Variants in HSPBAP1 observed in about 807,000 individuals in gnomAD.
HSPBAP1 encodes HSPB1-associated protein 1.
In HSPBAP1, 27 loss-of-function variants were observed where a neutral mutation model predicts 45.2. The ratio of observed to expected loss-of-function variants is 0.60; its 90% confidence interval spans 0.44 to 0.82. The LOEUF (loss-of-function observed/expected upper bound fraction) is 0.82, where lower values mean the gene tolerates loss of function less well. HSPBAP1 is among the 40% of genes least tolerant of loss of function. The pLI, the probability that HSPBAP1 is intolerant of heterozygous loss-of-function variation, is 0.00. For missense variants in HSPBAP1, 510 were observed against 590.9 expected, an observed-to-expected ratio of 0.86 and a Z score of 1.42; for synonymous variants, 204 against 202.7, an observed-to-expected ratio of 1.01 and a Z score of -0.06.
At position 122,753,477 on chromosome 3, in the gene HSPBAP1, GAGA is replaced by G. The variant is rs1416136424; in HGVS notation, c.742-806_742-804del. ...TAAAATAGTGGTATCGAGAGAGTCT[GAGA>G]AGGACAGGAGATACTTGCAAAGGTC... On this transcript the variant is annotated intron_variant, in intron 5 of 7. Coordinates refer to ENST00000306103, the MANE Select transcript of HSPBAP1 (RefSeq NM_024610.6). 69 of 981,174 alleles carry G rather than the reference GAGA, an allele frequency of 7.0e-5. No individual in the cohort carries two copies. In the Admixed American group the frequency reaches 4.2e-3, roughly 59 times the overall value. 60.8% of individuals were successfully genotyped at this position (981,174 alleles called of 1,614,324 possible).
intron 4 of HSPBAP1, 43 bp downstream of exon 4, chr3:122,759,181 C>T (rs769448166): frequency 5.3e-5 from 66 of 1,236,344 alleles, no homozygotes; most frequent in Middle Eastern, 4.2e-4. Context: ...TGCACATGTG[C>T]GTTCCACACA....
At chr3:122,773,139 CTGTG>C (rs1935060624) in intron 2 of HSPBAP1, among the ~76,000 whole-genome samples, 2 of 151,982 alleles carry the variant, frequency 1.3e-5, no homozygotes, top group Non-Finnish European at 2.9e-5. Context: ...GTGTGAGTCA[CTGTG>C]CCATGCCACA....
At chr3:122,748,411 C>CA (rs1196496720) in intron 6 of HSPBAP1, among the ~76,000 whole-genome samples, 2 of 151,572 alleles carry the variant, frequency 1.3e-5, no homozygotes, top group Non-Finnish European at 2.9e-5. Flanking sequence ...AATTAGATCT[C>CA]AAACTTATAC....
intron 4 of HSPBAP1, among the ~76,000 whole-genome samples, 184 bp downstream of exon 4, chr3:122,759,040 C>G (rs1054479349): frequency 6.6e-6 from 1 of 152,088 alleles, no homozygotes; most frequent in South Asian, 2.1e-4. Flanking sequence ...TAACTGTCCT[C>G]ATTTCACAGA....
chr3:122,774,383 GCTAGACACAGGGAA>G (rs1935115457), intron 2 of HSPBAP1, among the ~76,000 whole-genome samples: 1 of 152,130 alleles, frequency 6.6e-6, no homozygotes, highest in South Asian at 2.1e-4. Context: ...GAAAAGAGAG[GCTAGACACAGGGAA>G]CTACATACAC....
chr3:122,785,032 C>T (rs1935607804), intron 1 of HSPBAP1, among the ~76,000 whole-genome samples: 1 of 152,110 alleles, frequency 6.6e-6, no homozygotes, highest in South Asian at 2.1e-4. Flanking sequence ...TATCAGGTCC[C>T]CTCAGTCCAA....
chr3:122,747,477 G>A (rs1316523935), intron 6 of HSPBAP1, among the ~76,000 whole-genome samples: 1 of 151,674 alleles, frequency 6.6e-6, no homozygotes, highest in South Asian at 2.1e-4. Context: ...CCCTGTCTGG[G>A]AGGGAGGTCG....
chr3:122,785,840 T>TATAGATAGATAGATAGATAG (rs60587307), intron 1 of HSPBAP1, among the ~76,000 whole-genome samples: 296 of 151,650 alleles, frequency 2.0e-3, no homozygotes, highest in African/African-American at 5.6e-3. Flanking sequence ...AGTAGCCAAA[T>TATAGATAGATAGATAGATAG]ATAGATAGAT....
At chr3:122,781,399 A>G (rs1008134030) in intron 1 of HSPBAP1, among the ~76,000 whole-genome samples, 9 of 152,136 alleles carry the variant, frequency 5.9e-5, no homozygotes, top group Non-Finnish European at 1.3e-4. Flanking sequence ...CCAAAAAAAT[A>G]CGAAAACCAG....
At chr3:122,775,485 T>G (rs1935161417) in intron 2 of HSPBAP1, among the ~76,000 whole-genome samples, 1 of 152,218 alleles carries the variant, frequency 6.6e-6, no homozygotes, top group Non-Finnish European at 1.5e-5. Flanking sequence ...TTTCTTTTTT[T>G]TTGTACTTTT....
At chr3:122,785,342 C>T (rs1228414269) in intron 1 of HSPBAP1, among the ~76,000 whole-genome samples, 1 of 152,146 alleles carries the variant, frequency 6.6e-6, no homozygotes, top group Non-Finnish European at 1.5e-5. Context: ...TATGCACTTC[C>T]TTGTAAAACC....
intron 1 of HSPBAP1, among the ~76,000 whole-genome samples, chr3:122,779,965 C>G (rs962150082): frequency 6.6e-6 from 1 of 151,880 alleles, no homozygotes. Flanking sequence ...CCTTTCCCCC[C>G]TTTCCATTCC....
intron 6 of HSPBAP1, among the ~76,000 whole-genome samples, chr3:122,742,142 A>C (rs1439906121): frequency 6.9e-6 from 1 of 144,542 alleles, no homozygotes; most frequent in Non-Finnish European, 1.5e-5. Context: ...ATAATATATA[A>C]ATTATTATAA....
chr3:122,752,285 T>G (rs779658638), intron 6 of HSPBAP1, among the ~76,000 whole-genome samples: 1 of 151,940 alleles, frequency 6.6e-6, no homozygotes, highest in Non-Finnish European at 1.5e-5. Flanking sequence ...TATCGGCAAA[T>G]CTGGCCAGGC....
chr3:122,764,112 C>G (rs1934691789), intron 3 of HSPBAP1, among the ~76,000 whole-genome samples: 2 of 152,220 alleles, frequency 1.3e-5, no homozygotes, highest in Non-Finnish European at 2.9e-5. Flanking sequence ...AAATGGTAAG[C>G]AACACAGAAC....
At position 122,740,368 on chromosome 3, in the gene HSPBAP1, A is replaced by G; in HGVS notation, c.1444T>C (p.Leu482=). Residue 482 remains leucine (L), a synonymous_variant, in exon 8 of 8, where the codon TTG becomes CTG. Coordinates refer to ENST00000306103, the MANE Select transcript of HSPBAP1 (RefSeq NM_024610.6). The stretch of plus-strand genomic sequence containing the variant: ...AATCATAAACTTCTTCCTTGTATCA[A>G]AAGTTGTGCCACTATCCTGGTTACT... ...PQVTRIVAQL[L]IQGRSL 6.2e-7 allele frequency: 1 copy of G among 1,605,472 alleles called. No individual in the cohort carries two copies. The highest frequency in any genetic ancestry group is 8.5e-7 in the Non-Finnish European group (1 of 1,173,106).
At chr3:122,793,423 C>T (rs1453441534) in intron 1 of HSPBAP1, among the ~76,000 whole-genome samples, 194 bp downstream of exon 1, 3 of 152,200 alleles carry the variant, frequency 2.0e-5, no homozygotes, top group Non-Finnish European at 4.4e-5. Context: ...GGCTACCCTA[C>T]GACGATCAAA....
intron 4 of HSPBAP1, 40 bp downstream of exon 4, chr3:122,759,184 T>TCC: frequency 2.8e-6 from 2 of 705,656 alleles, no homozygotes; most frequent in Non-Finnish European, 2.2e-6. Context: ...ACATGTGCGT[T>TCC]CCACACACAC....
chr3:122,766,963 G>A (rs749100863), intron 3 of HSPBAP1, among the ~76,000 whole-genome samples: 2 of 152,182 alleles, frequency 1.3e-5, no homozygotes, highest in African/African-American at 4.8e-5. Flanking sequence ...GAAATATGGA[G>A]TAAAGTACTA....
Sources: allele counts gnomAD v4.1 joint callset (sites outside exome capture counted in the v4.1 genomes callset), GRCh38; gene constraint gnomAD v4.1.1; transcripts MANE v1.5; gene names NCBI Gene and HGNC (gene_info 2026-07-23, HGNC 2026-07-21).